Variants in ST6GALNAC3 observed in about 807,000 individuals in gnomAD.
ST6GALNAC3 encodes ST6 N-acetylgalactosaminide alpha-2,6-sialyltransferase 3.
A neutral mutation model predicts 32.7 loss-of-function variants in ST6GALNAC3; 25 were observed. The observed-to-expected ratio is 0.76, with a 90% CI of 0.56 to 1.07. The LOEUF is 1.07. ST6GALNAC3 is among the 50% of genes least tolerant of loss of function. The pLI is 0.00. For missense variants in ST6GALNAC3, 355 were observed against 382.4 expected (o/e 0.93, Z 0.60); for synonymous variants, 129 against 133.1 (o/e 0.97, Z 0.21).
intron 2 of ST6GALNAC3, among the ~76,000 whole-genome samples, chr1:76,363,912 A>T (rs1650164053): frequency 1.3e-5 from 2 of 152,150 alleles, no homozygotes; most frequent in Non-Finnish European, 2.9e-5. Flanking sequence ...GGATGGCATT[A>T]AACTATTCAT....
Position 76,586,794 on chromosome 1 carries a change from G to A in ST6GALNAC3, c.624-40658G>A, listed in dbSNP as rs905863388. On this transcript the variant is annotated intron_variant, in intron 3 of 4. Transcript: ENST00000328299. ...CGTCTTTGTCAAAGTCAGTGAACAG[G>A]AATAAAAAGTAACTACATGATATAG... 1.2e-4 allele frequency among the ~76,000 whole-genome samples: 19 copies of A among 152,220 alleles called. 1 individual carries two copies. Among genetic ancestry groups the A allele is most frequent in the African/African-American group, 4.6e-4 (19 of 41,546 alleles).
At chr1:76,339,691 A>G (rs1165789503) in intron 2 of ST6GALNAC3, among the ~76,000 whole-genome samples, 2 of 152,286 alleles carry the variant, frequency 1.3e-5, no homozygotes, top group Non-Finnish European at 2.9e-5. Context: ...AGTGCCTACT[A>G]TGTGTCCACC....
chr1:76,290,929 C>G (rs970731110), intron 1 of ST6GALNAC3, among the ~76,000 whole-genome samples: 3 of 152,108 alleles, frequency 2.0e-5, no homozygotes, highest in African/African-American at 7.2e-5. Flanking sequence ...ATTTACCGAG[C>G]GAGCTGTTGA....
intron 3 of ST6GALNAC3, among the ~76,000 whole-genome samples, chr1:76,519,813 G>T (rs771330317): frequency 1.3e-5 from 2 of 151,318 alleles, no homozygotes; most frequent in East Asian, 3.9e-4. Context: ...CAAGGATTCT[G>T]CCCATTAATT....
At chr1:76,106,338 T>C (rs1201503646) in intron 1 of ST6GALNAC3, among the ~76,000 whole-genome samples, 1 of 152,136 alleles carries the variant, frequency 6.6e-6, no homozygotes, top group Non-Finnish European at 1.5e-5. Flanking sequence ...CTTGGAAAAA[T>C]GAGCTGAACC....
In ST6GALNAC3 at chr1:76,249,684, C is replaced by T. The variant is rs192144403; in HGVS notation, c.19-64121C>T. ...GGTATGTCTATGTTTAATTGCCAAACTGTTTTCATAAGTGGCTGAATCATT... is the reference window on the plus strand; with the variant it reads ...GGTATGTCTATGTTTAATTGCCAAATTGTTTTCATAAGTGGCTGAATCATT... On this transcript the variant is annotated intron_variant, in intron 1 of 4. Coordinates refer to ENST00000328299, the MANE Select transcript of ST6GALNAC3 (RefSeq NM_152996.4). 5.3e-5 allele frequency among the ~76,000 whole-genome samples: 8 copies of T among 152,230 alleles called. No individual in the cohort carries two copies. The South Asian group carries it at 8.3e-4, about 16-fold the overall frequency.
At chr1:76,524,114 T>C (rs1662721216) in intron 3 of ST6GALNAC3, among the ~76,000 whole-genome samples, 1 of 152,188 alleles carries the variant, frequency 6.6e-6, no homozygotes, top group African/African-American at 2.4e-5. Context: ...AACAGGTAAA[T>C]CAATCTACTT....
chr1:76,559,036 T>C (rs767321450), intron 3 of ST6GALNAC3, among the ~76,000 whole-genome samples: 11 of 152,310 alleles, frequency 7.2e-5, no homozygotes, highest in Admixed American at 4.6e-4. Flanking sequence ...GGTGTGTGAC[T>C]ATATATGAAA....
intron 1 of ST6GALNAC3, among the ~76,000 whole-genome samples, chr1:76,139,213 A>T (rs567613206): frequency 0.018 from 2,738 of 152,106 alleles, 88 homozygotes; most frequent in African/African-American, 0.062. Flanking sequence ...AAAAAAAAAA[A>T]ATCTATGCAC....
At chr1:76,166,928 T>C (rs778753724) in intron 1 of ST6GALNAC3, among the ~76,000 whole-genome samples, 2 of 152,142 alleles carry the variant, frequency 1.3e-5, no homozygotes, top group Non-Finnish European at 2.9e-5. Flanking sequence ...TTTATAGATA[T>C]AGGATCATCT....
intron 1 of ST6GALNAC3, among the ~76,000 whole-genome samples, chr1:76,205,271 T>A (rs149336225): frequency 2.4e-3 from 364 of 152,304 alleles, no homozygotes; most frequent in African/African-American, 8.4e-3. Context: ...TGCCCTGCTA[T>A]GTTAACAGTG....
At chr1:76,515,071 A>C (rs753835324) in intron 3 of ST6GALNAC3, among the ~76,000 whole-genome samples, 9 of 152,116 alleles carry the variant, frequency 5.9e-5, no homozygotes, top group Non-Finnish European at 1.0e-4. Context: ...ATTTTCTGGA[A>C]TAGTGTGACA....
chr1:76,402,579 A>G (rs2101224030), intron 2 of ST6GALNAC3, among the ~76,000 whole-genome samples: 1 of 152,312 alleles, frequency 6.6e-6, no homozygotes, highest in East Asian at 1.9e-4. Flanking sequence ...CATACCTTAC[A>G]GTAGCTTCAT....
At chr1:76,324,981 G>A (rs755402332) in intron 2 of ST6GALNAC3, among the ~76,000 whole-genome samples, 5 of 151,990 alleles carry the variant, frequency 3.3e-5, no homozygotes, top group South Asian at 2.1e-4. Context: ...TGTGCACAAC[G>A]TGCAGGTTTG....
At chr1:76,188,732 GAA>G (rs1246184697) in intron 1 of ST6GALNAC3, among the ~76,000 whole-genome samples, 7 of 152,090 alleles carry the variant, frequency 4.6e-5, no homozygotes, top group Admixed American at 1.3e-4. Context: ...AAACCATAAA[GAA>G]AATAAAATGA....
At chr1:76,320,752 A>G (rs1184827039) in intron 2 of ST6GALNAC3, among the ~76,000 whole-genome samples, 1 of 152,142 alleles carries the variant, frequency 6.6e-6, no homozygotes, top group Non-Finnish European at 1.5e-5. Flanking sequence ...CATGTAATAT[A>G]TATATACATT....
intron 3 of ST6GALNAC3, among the ~76,000 whole-genome samples, chr1:76,601,374 T>C (rs1647229330): frequency 1.3e-5 from 2 of 152,340 alleles, no homozygotes; most frequent in South Asian, 4.1e-4. Context: ...AGTATGTAGT[T>C]ATTTTCAGAT....
At position 76,391,232 on chromosome 1, in the gene ST6GALNAC3, G is replaced by A. The variant is rs115722068; in HGVS notation, c.214-20776G>A. On this transcript the variant is annotated intron_variant, in intron 2 of 4. Transcript: ENST00000328299. Reference sequence around the variant, plus strand: ...TAGGATTACAGGCTTGAGCCACCTCGCCTGGCCCAAAATGCTTATTAATCT... The same window carrying A: ...TAGGATTACAGGCTTGAGCCACCTCACCTGGCCCAAAATGCTTATTAATCT... Among the ~76,000 whole-genome samples the A allele has an allele frequency of 2.1e-3, 325 of 152,162 alleles. 1 individual carries two copies. Among genetic ancestry groups the A allele is most frequent in the South Asian group, 6.9e-3 (33 of 4,806 alleles).
intron 1 of ST6GALNAC3, among the ~76,000 whole-genome samples, chr1:76,310,875 C>T (rs1002782499): frequency 3.9e-5 from 6 of 152,160 alleles, no homozygotes. Flanking sequence ...TTCCACCTGA[C>T]TCCTTGACAG....
Sources: allele counts gnomAD v4.1 joint callset (sites outside exome capture counted in the v4.1 genomes callset), GRCh38; gene constraint gnomAD v4.1.1; transcripts MANE v1.5; gene names NCBI Gene and HGNC (gene_info 2026-07-23, HGNC 2026-07-21).